The following VTI1A variants were observed in gnomAD, a reference collection of about 807,000 sequenced individuals.
VTI1A encodes vesicle transport through interaction with t-SNAREs 1A, also known as vesicle transport through interaction with t-SNAREs homolog 1A.
Under a neutral mutation model 34.9 loss-of-function variants are expected in VTI1A, and 22 were observed. The observed-to-expected ratio is 0.63, with a 90% CI of 0.45 to 0.90. The LOEUF (loss-of-function observed/expected upper bound fraction) is 0.90, where lower values mean the gene tolerates loss of function less well. Among genes scored for constraint, VTI1A ranks in the 40% least tolerant of loss-of-function variants. The pLI, the probability that VTI1A is intolerant of heterozygous loss-of-function variation, is 0.00. For missense variants in VTI1A, 268 were observed against 275.6 expected (o/e 0.97, Z 0.20); for synonymous variants, 87 against 97.3 (o/e 0.89, Z 0.62).
chr10:112,819,309 G>T (rs900702069), downstream of VTI1A, among the ~76,000 whole-genome samples: 1 of 152,144 alleles, frequency 6.6e-6, no homozygotes. Context: ...AGTGGAGGTG[G>T]CTTTCCTGGG....
intron 5 of VTI1A, among the ~76,000 whole-genome samples, chr10:112,635,607 G>C (rs1348193472): frequency 6.6e-6 from 1 of 152,206 alleles, no homozygotes; most frequent in Admixed American, 6.5e-5. Flanking sequence ...AGACAATGAA[G>C]ACAGGGAAAC....
At chr10:112,464,029 C>T (rs1337835172) in intron 2 of VTI1A, among the ~76,000 whole-genome samples, 1 of 152,170 alleles carries the variant, frequency 6.6e-6, no homozygotes, top group Non-Finnish European at 1.5e-5. Context: ...GAGTCTTGCT[C>T]TCTCACCTAG....
At chr10:112,671,285 A>C (rs895706916) in intron 7 of VTI1A, among the ~76,000 whole-genome samples, 41 of 152,196 alleles carry the variant, frequency 2.7e-4, no homozygotes, top group African/African-American at 9.9e-4. Context: ...TCTTCTTCTT[A>C]CCAAAACTGC....
At chr10:112,510,751 G>C (rs1218689573) in intron 3 of VTI1A, among the ~76,000 whole-genome samples, 1 of 152,112 alleles carries the variant, frequency 6.6e-6, no homozygotes. Context: ...CTTTTATTTT[G>C]AACTGATAAC....
chr10:112,681,681 T>G (rs569417798), intron 7 of VTI1A, among the ~76,000 whole-genome samples: 3 of 152,180 alleles, frequency 2.0e-5, no homozygotes, highest in African/African-American at 4.8e-5. Flanking sequence ...TATTGCAAAT[T>G]TTCACACACT....
chr10:112,469,739 T>A (rs1358248890), intron 3 of VTI1A, among the ~76,000 whole-genome samples: 1 of 152,226 alleles, frequency 6.6e-6, no homozygotes, highest in Admixed American at 6.5e-5. Context: ...TACTCCCCAG[T>A]AGCTGTTCTC....
At chr10:112,824,866 T>G in the VTI1A span, 26 of 152,218 alleles carry the variant, frequency 1.7e-4, no homozygotes, top group African/African-American at 5.5e-4. Flanking sequence ...CAGCCTTCCA[T>G]GGCAGTGCAA....
chr10:112,791,930 G>A (rs987810091), intron 7 of VTI1A, among the ~76,000 whole-genome samples: 11 of 151,872 alleles, frequency 7.2e-5, no homozygotes, highest in Admixed American at 3.9e-4. Flanking sequence ...CTGGGATTGC[G>A]TAGTTAGAAT....
intron 5 of VTI1A, among the ~76,000 whole-genome samples, chr10:112,628,192 G>A (rs1308711238): frequency 6.6e-6 from 1 of 152,088 alleles, no homozygotes; most frequent in Non-Finnish European, 1.5e-5. Flanking sequence ...ATTCCATAAT[G>A]TGTCTGTATC....
At chr10:112,622,890 A>T (rs952239578) in intron 5 of VTI1A, among the ~76,000 whole-genome samples, 1 of 152,250 alleles carries the variant, frequency 6.6e-6, no homozygotes, top group African/African-American at 2.4e-5. Flanking sequence ...CAGTGCATTT[A>T]GACAAGCTGG....
intron 2 of VTI1A, among the ~76,000 whole-genome samples, chr10:112,462,324 A>G (rs1023114127): frequency 3.9e-5 from 6 of 152,350 alleles, no homozygotes; most frequent in Middle Eastern, 3.4e-3. Flanking sequence ...ACAACATGGA[A>G]CAAGTGCACA....
At chr10:112,576,835 A>G (rs537975559) in intron 5 of VTI1A, among the ~76,000 whole-genome samples, 1 of 152,220 alleles carries the variant, frequency 6.6e-6, no homozygotes, top group Non-Finnish European at 1.5e-5. Flanking sequence ...AATACATTTC[A>G]CGTCACAATT....
chr10:112,474,862 A>G (rs1256240290), intron 3 of VTI1A, among the ~76,000 whole-genome samples: 3 of 152,178 alleles, frequency 2.0e-5, no homozygotes, highest in African/African-American at 4.8e-5. Context: ...TAGGATTCTT[A>G]TTCCTGGCCT....
intron 7 of VTI1A, among the ~76,000 whole-genome samples, chr10:112,694,866 G>A (rs1039624244): frequency 1.3e-5 from 2 of 152,140 alleles, no homozygotes; most frequent in African/African-American, 2.4e-5. Context: ...CTACTCAGGA[G>A]GCTGAGGCAG....
chr10:112,796,053 G>T (rs550711384), intron 7 of VTI1A, among the ~76,000 whole-genome samples: 19 of 152,046 alleles, frequency 1.2e-4, no homozygotes, highest in South Asian at 4.2e-4. Context: ...TAAAAGAGGT[G>T]CCCCCTTGAA....
intron 7 of VTI1A, among the ~76,000 whole-genome samples, chr10:112,711,223 G>A (rs901759222): frequency 5.9e-5 from 9 of 152,092 alleles, no homozygotes; most frequent in African/African-American, 1.2e-4. Flanking sequence ...TTAATTTGGC[G>A]AAATCCCAAA....
chr10:112,585,747 C>T (rs1378365621), intron 5 of VTI1A, among the ~76,000 whole-genome samples: 1 of 148,052 alleles, frequency 6.8e-6, no homozygotes, highest in East Asian at 2.0e-4. Context: ...AAAGAATTAG[C>T]ATATTGACAT....
At chr10:112,685,200 G>A (rs957291297) in intron 7 of VTI1A, among the ~76,000 whole-genome samples, 1 of 152,114 alleles carries the variant, frequency 6.6e-6, no homozygotes, top group Non-Finnish European at 1.5e-5. Context: ...CTACCTACCA[G>A]AAGCGGTTTT....
chr10:112,742,984 ATGT>A (rs1850746649), intron 7 of VTI1A, among the ~76,000 whole-genome samples: 2 of 149,198 alleles, frequency 1.3e-5, no homozygotes, highest in Admixed American at 6.7e-5. Flanking sequence ...AGATTTGCTA[ATGT>A]TGTTGATTTA....
Sources: allele counts gnomAD v4.1 joint callset (sites outside exome capture counted in the v4.1 genomes callset), GRCh38; gene constraint gnomAD v4.1.1; transcripts MANE v1.5; gene names NCBI Gene and HGNC (gene_info 2026-07-23, HGNC 2026-07-21).